Variants in CCDC178 observed in about 807,000 individuals in gnomAD.
CCDC178 encodes coiled-coil domain-containing protein 178.
Under a neutral mutation model 117.4 loss-of-function variants are expected in CCDC178, and 126 were observed. The ratio of observed to expected loss-of-function variants is 1.07; its 90% confidence interval spans 0.93 to 1.24. The LOEUF (loss-of-function observed/expected upper bound fraction) is 1.24, where lower values mean the gene tolerates loss of function less well. Among genes scored for constraint, CCDC178 ranks in the 50% most tolerant of loss-of-function variants. The pLI is 0.00. For synonymous variants in CCDC178, 283 were observed against 313.4 expected (o/e 0.90, Z 1.02); for missense variants, 1,030 against 986.9 (o/e 1.04, Z -0.59).
At chr18:33,143,870 C>T (rs564763288) in intron 20 of CCDC178, among the ~76,000 whole-genome samples, 22 of 152,042 alleles carry the variant, frequency 1.4e-4, no homozygotes, top group African/African-American at 4.3e-4. Context: ...GGATTCTTTT[C>T]GCCATAAGCT....
chr18:33,045,129 A>G (rs2056618768), intron 21 of CCDC178, among the ~76,000 whole-genome samples: 1 of 152,180 alleles, frequency 6.6e-6, no homozygotes, highest in South Asian at 2.1e-4. Flanking sequence ...ATGCATATGT[A>G]TGTAAGAAAT....
chr18:33,331,908 GA>G (rs1461916602), intron 10 of CCDC178, among the ~76,000 whole-genome samples: 28 of 152,292 alleles, frequency 1.8e-4, no homozygotes, highest in Middle Eastern at 3.4e-3. Flanking sequence ...AGATACAGAG[GA>G]AGGTATTCAT....
At chr18:33,071,213 G>T (rs1271860846) in intron 21 of CCDC178, among the ~76,000 whole-genome samples, 5 of 151,956 alleles carry the variant, frequency 3.3e-5, no homozygotes, top group African/African-American at 1.2e-4. Flanking sequence ...ATGGAAAGGT[G>T]GACGCATAGA....
intron 21 of CCDC178, among the ~76,000 whole-genome samples, chr18:32,985,191 A>G (rs577275575): frequency 1.3e-5 from 2 of 152,144 alleles, no homozygotes; most frequent in Non-Finnish European, 2.9e-5. Context: ...ATTAAATTTC[A>G]TTATAAATAC....
intron 20 of CCDC178, among the ~76,000 whole-genome samples, chr18:33,179,767 T>C (rs1420082146): frequency 6.6e-6 from 1 of 152,164 alleles, no homozygotes; most frequent in East Asian, 1.9e-4. Context: ...GCCAAGCAGA[T>C]AGCATATGCA....
At chr18:33,312,637 T>C (rs1356367691) in intron 11 of CCDC178, among the ~76,000 whole-genome samples, 2 of 152,202 alleles carry the variant, frequency 1.3e-5, no homozygotes, top group Non-Finnish European at 2.9e-5. Flanking sequence ...ACCTTGCCTT[T>C]GATCTGTTGC....
chr18:33,389,019 A>C (rs1350761710), intron 5 of CCDC178, among the ~76,000 whole-genome samples: 10 of 152,068 alleles, frequency 6.6e-5, no homozygotes, highest in Admixed American at 6.6e-4. Flanking sequence ...AGCCTTAGGG[A>C]AAAGAGCTAA....
At chr18:32,955,956 C>T (rs1289266858) in intron 22 of CCDC178, among the ~76,000 whole-genome samples, 1 of 152,126 alleles carries the variant, frequency 6.6e-6, no homozygotes, top group Non-Finnish European at 1.5e-5. Context: ...TTTTTAAAAT[C>T]CATGTGCTAG....
chr18:33,321,219 A>C (rs1466247871), intron 11 of CCDC178, among the ~76,000 whole-genome samples: 1 of 152,234 alleles, frequency 6.6e-6, no homozygotes, highest in Non-Finnish European at 1.5e-5. Flanking sequence ...GCGTGGCAAC[A>C]AAAGCCAAAA....
chr18:32,957,238 A>C (rs1225139298), intron 22 of CCDC178, among the ~76,000 whole-genome samples: 2 of 152,220 alleles, frequency 1.3e-5, no homozygotes, highest in Non-Finnish European at 2.9e-5. Flanking sequence ...CTGATCATGC[A>C]GTCTTGTGGT....
intron 20 of CCDC178, among the ~76,000 whole-genome samples, chr18:33,108,324 A>G (rs980478564): frequency 1.3e-5 from 2 of 151,658 alleles, no homozygotes; most frequent in Non-Finnish European, 3.0e-5. Context: ...TTAAATAAGT[A>G]TCTTAATTTT....
At chr18:33,112,594 T>C (rs2057799721) in intron 20 of CCDC178, among the ~76,000 whole-genome samples, 1 of 151,876 alleles carries the variant, frequency 6.6e-6, no homozygotes, top group Non-Finnish European at 1.5e-5. Context: ...AAAGATAAAG[T>C]GAAGAGCTCA....
chr18:33,316,563 T>G (rs1156559718), intron 11 of CCDC178, among the ~76,000 whole-genome samples: 4 of 152,124 alleles, frequency 2.6e-5, no homozygotes, highest in African/African-American at 7.2e-5. Flanking sequence ...AGGGCACTCC[T>G]GGCAGCTCCA....
chr18:33,135,738 C>T (rs2058117721), intron 20 of CCDC178, among the ~76,000 whole-genome samples: 1 of 152,094 alleles, frequency 6.6e-6, no homozygotes, highest in South Asian at 2.1e-4. Context: ...AAAAATCTGC[C>T]TAATTTCAAC....
At chr18:33,032,104 T>C (rs1235535223) in intron 21 of CCDC178, among the ~76,000 whole-genome samples, 2 of 152,168 alleles carry the variant, frequency 1.3e-5, no homozygotes, top group Admixed American at 6.6e-5. Context: ...GAATTGTTTC[T>C]ACAAGGAGGC....
intron 21 of CCDC178, among the ~76,000 whole-genome samples, chr18:33,023,574 G>A (rs1262408045): frequency 6.6e-6 from 1 of 152,130 alleles, no homozygotes; most frequent in Non-Finnish European, 1.5e-5. Context: ...CTAAGGCAGT[G>A]TGCTGAGAGA....
At chr18:33,111,963 CAA>C (rs1329531693) in intron 20 of CCDC178, among the ~76,000 whole-genome samples, 1 of 151,584 alleles carries the variant, frequency 6.6e-6, no homozygotes, top group African/African-American at 2.4e-5. Flanking sequence ...AACATTAAAG[CAA>C]AGTTTGGCTA....
At chr18:32,988,763 A>T (rs1157771040) in intron 21 of CCDC178, among the ~76,000 whole-genome samples, 1 of 152,018 alleles carries the variant, frequency 6.6e-6, no homozygotes, top group East Asian at 1.9e-4. Flanking sequence ...ATAGAAATAA[A>T]GTAAAAAATT....
intron 21 of CCDC178, among the ~76,000 whole-genome samples, chr18:33,064,936 G>C (rs114337553): frequency 6.6e-6 from 1 of 151,678 alleles, no homozygotes; most frequent in South Asian, 2.1e-4. Context: ...CATTTGAGAC[G>C]ACATGGATTG....
Sources: allele counts gnomAD v4.1 joint callset (sites outside exome capture counted in the v4.1 genomes callset), GRCh38; gene constraint gnomAD v4.1.1; transcripts MANE v1.5; gene names NCBI Gene and HGNC (gene_info 2026-07-23, HGNC 2026-07-21).